PLCB1: variants seen among roughly 807,000 people sequenced by gnomAD.
PLCB1 encodes the protein 1-phosphatidylinositol 4,5-bisphosphate phosphodiesterase beta-1.
Under a neutral mutation model 161.8 loss-of-function variants are expected in PLCB1, and 46 were observed. The ratio of observed to expected loss-of-function variants is 0.28; its 90% CI spans 0.22 to 0.36. The LOEUF is 0.36. Among genes scored for constraint, PLCB1 ranks in the 10% least tolerant of loss-of-function variants. PLCB1 has a pLI of 1.00. For missense variants in PLCB1, 1,016 were observed against 1,472.5 expected (o/e 0.69, Z 5.07); for synonymous variants, 517 against 503.7 (o/e 1.03, Z -0.35).
In PLCB1 at chr20:8,555,851, A is replaced by G. The variant is rs1985934113; in HGVS notation, c.247-72443A>G. Among the ~76,000 whole-genome samples, 4 of 152,124 alleles carry G rather than the reference A, an allele frequency of 2.6e-5. No individual in the cohort carries two copies. In the South Asian group the frequency reaches 8.3e-4, roughly 31 times the overall value. On this transcript the variant is annotated intron_variant, in intron 3 of 31. Transcript: ENST00000338037. ...AAATAATCAGTCATTGACAACTTAGAAAATTCTTATCAATAAAGATGGAAT... is the reference window on the plus strand; with the variant it reads ...AAATAATCAGTCATTGACAACTTAGGAAATTCTTATCAATAAAGATGGAAT...
intron 31 of PLCB1, among the ~76,000 whole-genome samples, chr20:8,837,175 C>A (rs368449123): frequency 6.6e-6 from 1 of 152,098 alleles, no homozygotes; most frequent in Non-Finnish European, 1.5e-5. Context: ...CTCTAAGGGC[C>A]TCCCTCAAGG....
intron 2 of PLCB1, among the ~76,000 whole-genome samples, chr20:8,219,505 G>C (rs1979300632): frequency 6.6e-6 from 1 of 152,128 alleles, no homozygotes; most frequent in African/African-American, 2.4e-5. Context: ...GAAAGCATTT[G>C]TTAAATGGGC....
intron 3 of PLCB1, among the ~76,000 whole-genome samples, chr20:8,556,962 T>C (rs981124139): frequency 1.6e-4 from 24 of 146,782 alleles, no homozygotes; most frequent in Admixed American, 2.1e-4. Flanking sequence ...TTTGGATAGC[T>C]ATTATTGATA....
At chr20:8,630,353 T>C (rs1225860734) in intron 4 of PLCB1, among the ~76,000 whole-genome samples, 1 of 152,160 alleles carries the variant, frequency 6.6e-6, no homozygotes, top group Non-Finnish European at 1.5e-5. Flanking sequence ...CAGGGATTTA[T>C]TTCTAACACT....
intron 3 of PLCB1, among the ~76,000 whole-genome samples, chr20:8,486,338 C>G (rs984377274): frequency 2.0e-5 from 3 of 152,118 alleles, no homozygotes; most frequent in Admixed American, 6.5e-5. Context: ...TTCAGATGTA[C>G]TAATTTGTCA....
chr20:8,703,447 T>C (rs1978483911), intron 11 of PLCB1, among the ~76,000 whole-genome samples: 1 of 152,042 alleles, frequency 6.6e-6, no homozygotes, highest in Non-Finnish European at 1.5e-5. Flanking sequence ...AAGGCTAACA[T>C]GGTAGAAGGT....
intron 31 of PLCB1, among the ~76,000 whole-genome samples, chr20:8,881,337 G>GTGTGTGTA (rs1392072174): frequency 6.1e-5 from 9 of 147,964 alleles, no homozygotes; most frequent in South Asian, 2.1e-4. Flanking sequence ...CCGTGTGTGT[G>GTGTGTGTA]TGTGTGTGTG....
At chr20:8,644,367 C>T (rs1216438970) in intron 4 of PLCB1, among the ~76,000 whole-genome samples, 5 of 147,606 alleles carry the variant, frequency 3.4e-5, no homozygotes, top group Admixed American at 6.7e-5. Context: ...TCTTCCCGGC[C>T]GCCATCCCAT....
chr20:8,428,158 G>C (rs1213928891), intron 3 of PLCB1, among the ~76,000 whole-genome samples: 3 of 152,076 alleles, frequency 2.0e-5, no homozygotes, highest in East Asian at 1.9e-4. Flanking sequence ...CCCATGACTT[G>C]AGTCTCTCTA....
intron 3 of PLCB1, among the ~76,000 whole-genome samples, chr20:8,464,616 G>A (rs1040669045): frequency 6.6e-6 from 1 of 152,166 alleles, no homozygotes; most frequent in African/African-American, 2.4e-5. Flanking sequence ...TGACTCAGCA[G>A]GTTTGTGGTA....
At chr20:8,850,768 A>G (rs1408875306) in intron 31 of PLCB1, among the ~76,000 whole-genome samples, 1 of 152,178 alleles carries the variant, frequency 6.6e-6, no homozygotes, top group Non-Finnish European at 1.5e-5. Flanking sequence ...TTCTGGTGCC[A>G]TGGTCTTGGA....
At chr20:8,690,716 C>T (rs1451224909) in intron 10 of PLCB1, among the ~76,000 whole-genome samples, 1 of 152,132 alleles carries the variant, frequency 6.6e-6, no homozygotes, top group Non-Finnish European at 1.5e-5. Flanking sequence ...ATTTGTTAGT[C>T]TTACAAAAGT....
In PLCB1 at chr20:8,645,193, C is replaced by G. The variant is rs559694435; in HGVS notation, c.385-909C>G. Among the ~76,000 whole-genome samples the G allele has an allele frequency of 8.2e-5, 12 of 146,086 alleles. No homozygotes were observed. In the South Asian group the frequency reaches 2.6e-3, roughly 32 times the overall value. ...ACATAAACACTGCAGGGTCCTCTGC[C>G]TAGGAAAACCAGAGACCTTTGTTCA... On this transcript the variant is annotated intron_variant, in intron 4 of 31. Transcript: ENST00000338037.
intron 31 of PLCB1, among the ~76,000 whole-genome samples, chr20:8,820,805 T>C (rs1470305897): frequency 2.0e-5 from 3 of 152,128 alleles, no homozygotes; most frequent in Non-Finnish European, 4.4e-5. Flanking sequence ...TAAATAAATA[T>C]GACTTGTAGC....
At chr20:8,823,087 G>A (rs1268378193) in intron 31 of PLCB1, among the ~76,000 whole-genome samples, 1 of 152,140 alleles carries the variant, frequency 6.6e-6, no homozygotes, top group Non-Finnish European at 1.5e-5. Flanking sequence ...TGTATAAGTG[G>A]ATGTGCAACG....
intron 6 of PLCB1, among the ~76,000 whole-genome samples, chr20:8,648,818 G>A (rs1273959544): frequency 6.6e-6 from 1 of 152,042 alleles, no homozygotes; most frequent in Non-Finnish European, 1.5e-5. Flanking sequence ...GCACATGCCT[G>A]TAGTTCTAAC....
intron 4 of PLCB1, among the ~76,000 whole-genome samples, chr20:8,638,409 G>A (rs912455983): frequency 6.6e-6 from 1 of 152,034 alleles, no homozygotes; most frequent in African/African-American, 2.4e-5. Context: ...AAGGGCAGGT[G>A]AGAGATGGAA....
At chr20:8,328,417 G>A (rs1004826080) in intron 2 of PLCB1, among the ~76,000 whole-genome samples, 9 of 151,880 alleles carry the variant, frequency 5.9e-5, no homozygotes, top group African/African-American at 9.7e-5. Context: ...TTCTCTTGTC[G>A]CTGTGTTGGC....
At chr20:8,668,855 A>G (rs1334000955) in intron 9 of PLCB1, among the ~76,000 whole-genome samples, 4 of 152,242 alleles carry the variant, frequency 2.6e-5, no homozygotes, top group African/African-American at 4.8e-5. Context: ...TATAAAAAGG[A>G]TATTCCCACC....
Sources: gnomAD v4.1 joint callset for allele counts (sites outside exome capture counted in the v4.1 genomes callset) on GRCh38, gnomAD v4.1.1 for gene constraint, MANE v1.5 for transcripts, NCBI Gene and HGNC (gene_info 2026-07-23, HGNC 2026-07-21) for gene names.